Variants in ZNF737 observed in about 807,000 individuals in gnomAD.
The protein encoded by ZNF737 is zinc finger protein 102 (Y3).
In ZNF737, 13 loss-of-function variants were observed where a neutral mutation model predicts 11.7. The ratio of observed to expected loss-of-function variants is 1.11; its 90% CI spans 0.73 to 1.77. The LOEUF (loss-of-function observed/expected upper bound fraction) is 1.77, where lower values mean the gene tolerates loss of function less well. Among genes scored for constraint, ZNF737 ranks in the 40% most tolerant of loss-of-function variants. The pLI, the probability that ZNF737 is intolerant of heterozygous loss-of-function variation, is 0.00. For missense variants in ZNF737, 636 were observed against 638.0 expected, an observed-to-expected ratio of 1.00 and a Z score of 0.03; for synonymous variants, 217 against 216.2, an observed-to-expected ratio of 1.00 and a Z score of -0.03.
intron 2 of ZNF737, 35 bp downstream of exon 2, chr19:20,553,674 G>A (rs1555759431): frequency 6.3e-7 from 1 of 1,594,078 alleles, no homozygotes; most frequent in East Asian, 2.2e-5. Flanking sequence ...AGTCTTTTGT[G>A]TATATTATGA....
chr19:20,544,371 TTA>T lies in ZNF737; in HGVS notation c.*219_*220del. ...GGGTTTCTCTCCAGTACGAATTATC[TTA>T]TGTCTAGTAAGGGCAGAGGTGTCCT... On this transcript the variant is annotated 3_prime_UTR_variant, in exon 4 of 4. Transcript: ENST00000427401. 7.2e-7 allele frequency: 1 copy of T among 1,391,894 alleles called. No individual in the cohort carries two copies. Among genetic ancestry groups the T allele is most frequent in the East Asian group, 2.7e-5 (1 of 37,492 alleles). 86.2% of individuals were successfully genotyped at this position (1,391,894 alleles called of 1,614,324 possible).
chr19:20,554,632 G>A (rs1555760037), intron 1 of ZNF737, among the ~76,000 whole-genome samples: 1 of 152,096 alleles, frequency 6.6e-6, no homozygotes, highest in African/African-American at 2.4e-5. Context: ...GAAGAACACA[G>A]CATCACTGTT....
At chr19:20,532,153 T>C (rs1967845699), downstream of ZNF737, among the ~76,000 whole-genome samples, 1 of 150,086 alleles carries the variant, frequency 6.7e-6, no homozygotes, top group African/African-American at 2.5e-5. Context: ...GTGCATGTTG[T>C]GTTCACACCT....
At chr19:20,563,305 G>GA (rs1555762964) in intron 1 of ZNF737, among the ~76,000 whole-genome samples, 2 of 149,034 alleles carry the variant, frequency 1.3e-5, no homozygotes, top group African/African-American at 5.0e-5. Flanking sequence ...AGGCTCCCCA[G>GA]AAAAAAACTG....
chr19:20,560,038 C>G (rs1261054953), intron 1 of ZNF737, among the ~76,000 whole-genome samples: 2 of 151,240 alleles, frequency 1.3e-5, no homozygotes, highest in Middle Eastern at 3.4e-3. Flanking sequence ...CGGTGGCGGG[C>G]GCCTGTAGTC....
intron 1 of ZNF737, among the ~76,000 whole-genome samples, chr19:20,558,542 A>G (rs373558018): frequency 2.6e-5 from 4 of 152,144 alleles, no homozygotes; most frequent in African/African-American, 9.7e-5. Context: ...GGAAGCAACT[A>G]GTTTATCCAT....
chr19:20,555,152 T>A (rs782508585), intron 1 of ZNF737, among the ~76,000 whole-genome samples: 8 of 151,582 alleles, frequency 5.3e-5, no homozygotes, highest in Non-Finnish European at 2.9e-5. Context: ...CATGAGCCAT[T>A]GCGCCCAATC....
downstream of ZNF737, among the ~76,000 whole-genome samples, chr19:20,531,653 T>C (rs1278769337): frequency 6.7e-6 from 1 of 149,842 alleles, no homozygotes; most frequent in African/African-American, 2.5e-5. Context: ...AGATAGGCTT[T>C]CACTATGTTG....
In ZNF737 at chr19:20,544,543, T is replaced by C; in HGVS notation, c.*49A>G. ...TCCCTCCAATATGAATTTTCTTATG[T>C]GAAAAAAGCATAGTGGGATAGCTTA... On this transcript the variant is annotated 3_prime_UTR_variant, in exon 4 of 4. Transcript: ENST00000427401. 6.5e-7 allele frequency: 1 copy of C among 1,544,072 alleles called. No homozygotes were observed. Among genetic ancestry groups the C allele is most frequent in the Non-Finnish European group, 8.7e-7 (1 of 1,152,470 alleles).
At chr19:20,560,034 C>T (rs1484640879) in intron 1 of ZNF737, among the ~76,000 whole-genome samples, 28 of 151,222 alleles carry the variant, frequency 1.9e-4, no homozygotes, top group Admixed American at 1.1e-3. Context: ...GGCGCGGTGG[C>T]GGGCGCCTGT....
chr19:20,547,463 G>A (rs1437142740), intron 3 of ZNF737, among the ~76,000 whole-genome samples: 1 of 147,668 alleles, frequency 6.8e-6, no homozygotes, highest in Non-Finnish European at 1.5e-5. Flanking sequence ...TGAAAGAACA[G>A]AATAGAGAAC....
At chr19:20,546,507 G>A (rs1290302968) in intron 3 of ZNF737, among the ~76,000 whole-genome samples, 1 of 152,176 alleles carries the variant, frequency 6.6e-6, no homozygotes, top group African/African-American at 2.4e-5. Context: ...AGGATTCACA[G>A]CCACACACAA....
At chr19:20,546,903 A>C (rs1435011593) in intron 3 of ZNF737, among the ~76,000 whole-genome samples, 1 of 152,188 alleles carries the variant, frequency 6.6e-6, no homozygotes, top group East Asian at 1.9e-4. Flanking sequence ...AATCATTTTT[A>C]AAACACTAAA....
At position 20,542,643 on chromosome 19, in the gene ZNF737, A is replaced by G; in HGVS notation, c.*1949T>C. 1.0e-6 allele frequency: 1 copy of G among 978,828 alleles called. No individual in the cohort carries two copies. Among genetic ancestry groups the G allele is most frequent in the Non-Finnish European group, 1.2e-6 (1 of 823,994 alleles). 60.6% of individuals were successfully genotyped at this position (978,828 alleles called of 1,614,324 possible). On this transcript the variant is annotated 3_prime_UTR_variant, in exon 4 of 4. Transcript: ENST00000427401. ...TTATTTCTTTGTGTCACTATAATAAAGTATTGCTCTGAACATTTACGTTAT... is the reference window on the plus strand; with the variant it reads ...TTATTTCTTTGTGTCACTATAATAAGGTATTGCTCTGAACATTTACGTTAT...
In ZNF737 at chr19:20,542,838, T is replaced by A. The variant is rs901487693; in HGVS notation, c.*1754A>T. 3 of 985,240 alleles carry A rather than the reference T, an allele frequency of 3.0e-6. No individual in the cohort carries two copies. Among genetic ancestry groups the A allele is most frequent in the African/African-American group, 3.5e-5 (2 of 57,236 alleles). 61.0% of individuals were successfully genotyped at this position (985,240 alleles called of 1,614,324 possible). A position where few individuals can be genotyped will look rare whatever the true frequency, so the allele number is the denominator to read the frequency against. ...GCCACTGATCACATGCTTTCTCACA[T>A]GTGAATAGAAATAAAATAACAGCAT... On this transcript the variant is annotated 3_prime_UTR_variant, in exon 4 of 4. Coordinates refer to ENST00000427401, the MANE Select transcript of ZNF737 (RefSeq NM_001159293.2).
intron 2 of ZNF737, 150 bp downstream of exon 2, chr19:20,553,559 A>C: frequency 1.1e-6 from 1 of 920,760 alleles, no homozygotes. Flanking sequence ...CAAAGAAATT[A>C]TTTTCTAAAT....
chr19:20,560,560 C>A (rs1458998377), intron 1 of ZNF737, among the ~76,000 whole-genome samples: 3 of 152,048 alleles, frequency 2.0e-5, no homozygotes. Context: ...GTAGGTTGAT[C>A]ACTTGAGGTC....
At chr19:20,550,568 A>C (rs1968625070) in intron 3 of ZNF737, among the ~76,000 whole-genome samples, 3 of 152,218 alleles carry the variant, frequency 2.0e-5, no homozygotes, top group South Asian at 4.1e-4. Context: ...CCTTACAGCA[A>C]AACAAGTCAG....
Position 20,543,933 on chromosome 19 carries a change from G to A in ZNF737, c.*659C>T. 1.3e-6 allele frequency: 1 copy of A among 780,750 alleles called. No individual in the cohort carries two copies. The highest frequency in any genetic ancestry group is 1.6e-6 in the Non-Finnish European group (1 of 644,036). 48.4% of individuals were successfully genotyped at this position (780,750 alleles called of 1,614,324 possible). A position where few individuals can be genotyped will look rare whatever the true frequency, so the allele number is the denominator to read the frequency against. Reference sequence around the variant, plus strand: ...ACCTGAGGTCAGGAGTTCGAGACCAGCCTGGCAAACATGGCGAAGTCGCAT... The same window carrying A: ...ACCTGAGGTCAGGAGTTCGAGACCAACCTGGCAAACATGGCGAAGTCGCAT... On this transcript the variant is annotated 3_prime_UTR_variant, in exon 4 of 4. Coordinates refer to ENST00000427401, the MANE Select transcript of ZNF737 (RefSeq NM_001159293.2).
Sources: allele counts gnomAD v4.1 joint callset (sites outside exome capture counted in the v4.1 genomes callset), GRCh38; gene constraint gnomAD v4.1.1; transcripts MANE v1.5; gene names NCBI Gene and HGNC (gene_info 2026-07-23, HGNC 2026-07-21).